MAP7: variants seen among roughly 807,000 people sequenced by gnomAD.
The protein encoded by MAP7 is ensconsin.
MAP7 carries 52 observed loss-of-function variants against 94.8 expected under a neutral mutation model. The ratio of observed to expected loss-of-function variants is 0.55; its 90% CI spans 0.44 to 0.69. MAP7 has a LOEUF of 0.69. MAP7 is among the 30% of genes least tolerant of loss of function. MAP7 has a pLI of 0.00. For missense variants in MAP7, 940 were observed against 964.6 expected (o/e 0.97, Z 0.34); for synonymous variants, 350 against 357.0 (o/e 0.98, Z 0.22).
In MAP7 at chr6:136,470,328, T is replaced by G. The variant is rs567191084; in HGVS notation, c.68-48529A>C. Among the ~76,000 whole-genome samples the G allele has an allele frequency of 5.9e-5, 9 of 152,116 alleles. No individual in the cohort carries two copies. In the South Asian group the frequency reaches 1.9e-3, roughly 32 times the overall value. On this transcript the variant is annotated intron_variant, in intron 1 of 17. Transcript: ENST00000354570. Reference sequence around the variant, plus strand: ...TCCTGCTTATTGTTTCCTCCCCAGCTTTCTGAAGTATAATTGGCAAATAAA... The same window carrying G: ...TCCTGCTTATTGTTTCCTCCCCAGCGTTCTGAAGTATAATTGGCAAATAAA...
chr6:136,384,568 C>T (rs1425029465), intron 5 of MAP7, among the ~76,000 whole-genome samples: 8 of 151,632 alleles, frequency 5.3e-5, no homozygotes, highest in Non-Finnish European at 1.0e-4. Flanking sequence ...ACTGCAGCCT[C>T]GATCTCCTGG....
intron 3 of MAP7, among the ~76,000 whole-genome samples, chr6:136,409,437 G>T (rs184627430): frequency 3.3e-5 from 5 of 152,040 alleles, no homozygotes; most frequent in African/African-American, 1.2e-4. Flanking sequence ...TCATATATTG[G>T]CTCACCAAAA....
chr6:136,469,127 G>C (rs1033093950), intron 1 of MAP7, among the ~76,000 whole-genome samples: 1 of 152,152 alleles, frequency 6.6e-6, no homozygotes, highest in East Asian at 1.9e-4. Flanking sequence ...GCATGGAGCA[G>C]TGGGTACTAT....
At chr6:136,430,977 T>C (rs1008520702) in intron 1 of MAP7, among the ~76,000 whole-genome samples, 1 of 152,192 alleles carries the variant, frequency 6.6e-6, no homozygotes, top group African/African-American at 2.4e-5. Context: ...GGGCTGACAC[T>C]GACACGCCAT....
At chr6:136,346,959 G>T (rs12530004) in intron 16 of MAP7, among the ~76,000 whole-genome samples, 2 of 152,118 alleles carry the variant, frequency 1.3e-5, no homozygotes, top group South Asian at 4.1e-4. Flanking sequence ...TTTGAAGACC[G>T]ATCTTCTTAT....
chr6:136,385,272 A>C (rs892975535), intron 5 of MAP7, among the ~76,000 whole-genome samples: 1 of 12,888 alleles, frequency 7.8e-5, no homozygotes, highest in Non-Finnish European at 4.7e-4. Flanking sequence ...TTTATTATTA[A>C]AAAAAAAACC....
chr6:136,505,269 GTGTGTGTGTA>G (rs1821065542), intron 1 of MAP7, among the ~76,000 whole-genome samples: 1 of 99,486 alleles, frequency 1.0e-5, no homozygotes, highest in African/African-American at 4.9e-5. Flanking sequence ...GTGTGTGTGT[GTGTGTGTGTA>G]TATATATATA....
chr6:136,362,570 G>A lies in MAP7; in HGVS notation c.1406C>T (p.Thr469Ile), dbSNP rs750274645. The A allele has an allele frequency of 6.2e-7, 1 of 1,614,134 alleles. No individual in the cohort carries two copies. The highest frequency in any genetic ancestry group is 8.5e-7 in the Non-Finnish European group (1 of 1,180,028). Residue 469 changes from threonine (T) to isoleucine (I), a missense_variant, in exon 11 of 18, where the codon ACT (threonine) becomes ATT (isoleucine). Physicochemically the swap from Thr to Ile is moderately conservative, Grantham distance 89. Transcript: ENST00000354570. ...STVNASASVK[T>I]SAGTTDPEEA... Reference sequence around the variant, plus strand: ...CTCTGGGTCGGTGGTGCCTGCAGAAGTCTTAACAGAAGCACTGGCATTCAC... The same window carrying A: ...CTCTGGGTCGGTGGTGCCTGCAGAAATCTTAACAGAAGCACTGGCATTCAC...
rs1459284125 is a variant in MAP7 at position 136,345,988 on chromosome 6, T to G, written c.2107A>C (p.Lys703Gln). ...TTGGTGACATCTAATCTGGATGGTTTAGATCCAATGGGTAAGTTTATAATT... is the reference window on the plus strand; with the variant it reads ...TTGGTGACATCTAATCTGGATGGTTGAGATCCAATGGGTAAGTTTATAATT... ...EEIINLPIGS[K>Q]PSRLDVTNSE... Residue 703 changes from lysine to glutamine, a missense_variant, in exon 17 of 18, where the codon AAA (lysine) becomes CAA (glutamine). By Grantham distance (53) the Lys-to-Gln change is moderately conservative (BLOSUM62 1). Coordinates refer to ENST00000354570, the MANE Select transcript of MAP7 (RefSeq NM_003980.6). The G allele has an allele frequency of 1.9e-6, 3 of 1,613,120 alleles. No homozygotes were observed. The African/African-American group carries it at 4.0e-5, about 22-fold the overall frequency.
chr6:136,534,069 G>A (rs1297916643), intron 1 of MAP7, among the ~76,000 whole-genome samples: 2 of 152,154 alleles, frequency 1.3e-5, no homozygotes, highest in African/African-American at 2.4e-5. Context: ...TAAATAAAGC[G>A]ATTTGTATGA....
At chr6:136,475,643 T>C (rs1562443257) in intron 1 of MAP7, among the ~76,000 whole-genome samples, 1 of 152,222 alleles carries the variant, frequency 6.6e-6, no homozygotes, top group Non-Finnish European at 1.5e-5. Flanking sequence ...TGCTACAAAG[T>C]TAATATGCCA....
intron 16 of MAP7, among the ~76,000 whole-genome samples, chr6:136,355,622 T>C (rs962105831): frequency 6.6e-6 from 1 of 152,210 alleles, no homozygotes; most frequent in Non-Finnish European, 1.5e-5. Flanking sequence ...TGTGTGTCTG[T>C]ACTTATCCTG....
intron 1 of MAP7, among the ~76,000 whole-genome samples, chr6:136,492,055 AAATAGCTAT>A (rs376488023): frequency 3.2e-4 from 49 of 152,358 alleles, no homozygotes; most frequent in African/African-American, 1.2e-3. Context: ...ACATGTAAAC[AAATAGCTAT>A]AATGCAAGAC....
intron 1 of MAP7, among the ~76,000 whole-genome samples, chr6:136,524,012 G>C (rs2129051076): frequency 6.6e-6 from 1 of 152,212 alleles, no homozygotes; most frequent in African/African-American, 2.4e-5. Context: ...AGGCTGAGGT[G>C]GGCAGATCAC....
chr6:136,423,515 A>C (rs939980659), intron 1 of MAP7, among the ~76,000 whole-genome samples: 1 of 152,130 alleles, frequency 6.6e-6, no homozygotes, highest in African/African-American at 2.4e-5. Context: ...AGTGGCAGGA[A>C]GGTCTGGGTC....
At position 136,550,238 on chromosome 6, in the gene MAP7, CG is replaced by C; in HGVS notation, c.67+103del. On this transcript the variant is annotated intron_variant, in intron 1 of 17. Transcript: ENST00000354570. The surrounding 1 kb of genome is among the most constrained non-coding windows in gnomAD (Gnocchi z 5.1). ...TTGTTCCGGGCCGCGGCCGCGCGGG[CG>C]GGGAGGGGGCTGCCGGCGCCGGGTG... 5.8e-6 allele frequency: 6 copies of C among 1,030,938 alleles called. No homozygotes were observed. Among genetic ancestry groups the C allele is most frequent in the Non-Finnish European group, 7.5e-6 (6 of 797,682 alleles). The allele number at this position is 1,030,938 out of a possible 1,614,324, so 63.9% of individuals were successfully genotyped here.
chr6:136,472,500 T>C (rs1809370523), intron 1 of MAP7, among the ~76,000 whole-genome samples: 1 of 152,178 alleles, frequency 6.6e-6, no homozygotes. Flanking sequence ...ACAAAATATC[T>C]TTGACTTTAA....
chr6:136,360,671 G>A (rs1006839122), intron 13 of MAP7, 26 bp downstream of exon 13: 9 of 1,604,744 alleles, frequency 5.6e-6, no homozygotes, highest in South Asian at 1.1e-5. Context: ...TTCGCGTCCC[G>A]GGCCTCTCTA....
intron 13 of MAP7, 104 bp from the exon 14 acceptor site, chr6:136,360,135 G>A: frequency 1.0e-6 from 1 of 957,052 alleles, no homozygotes; most frequent in Non-Finnish European, 1.6e-6. Flanking sequence ...CTGTTATTTT[G>A]GAAAAATACA....
Sources: allele counts gnomAD v4.1 joint callset (sites outside exome capture counted in the v4.1 genomes callset), GRCh38; gene constraint gnomAD v4.1.1; non-coding constraint Gnocchi (gnomAD v3.1); transcripts MANE v1.5; gene names NCBI Gene and HGNC (gene_info 2026-07-23, HGNC 2026-07-21).